The following APBA1 variants were observed in gnomAD, a reference collection of about 807,000 sequenced individuals.
The protein encoded by APBA1 is amyloid beta precursor protein binding family A member 1, also known as amyloid-beta A4 precursor protein-binding family A member 1.
A neutral mutation model predicts 86.6 loss-of-function variants in APBA1; 55 were observed. The ratio of observed to expected loss-of-function variants is 0.64; its 90% CI spans 0.51 to 0.80. The LOEUF (loss-of-function observed/expected upper bound fraction) is 0.80, where lower values mean the gene tolerates loss of function less well. Among genes scored for constraint, APBA1 ranks in the 30% least tolerant of loss-of-function variants. The pLI is 0.00. For synonymous variants in APBA1, 511 were observed against 493.9 expected, an observed-to-expected ratio of 1.03 and a Z score of -0.46; for missense variants, 1,090 against 1,183.0, an observed-to-expected ratio of 0.92 and a Z score of 1.15.
At chr9:69,619,532 A>G (rs1276173259) in intron 1 of APBA1, among the ~76,000 whole-genome samples, 2 of 152,234 alleles carry the variant, frequency 1.3e-5, no homozygotes, top group East Asian at 3.9e-4. Flanking sequence ...CAAAGTATGC[A>G]GATGGGCTCT....
At chr9:69,475,070 T>C (rs1177154102) in intron 3 of APBA1, among the ~76,000 whole-genome samples, 2 of 152,196 alleles carry the variant, frequency 1.3e-5, no homozygotes, top group Admixed American at 6.5e-5. Context: ...ATTTACCTGA[T>C]GTTGGCTCAT....
chr9:69,484,754 G>A (rs1292409963), intron 2 of APBA1, among the ~76,000 whole-genome samples: 1 of 151,942 alleles, frequency 6.6e-6, no homozygotes, highest in South Asian at 2.1e-4. Context: ...CAACTGCCTC[G>A]CCTTGGGTCT....
At chr9:69,638,092 C>T (rs1437420098) in intron 1 of APBA1, among the ~76,000 whole-genome samples, 1 of 152,160 alleles carries the variant, frequency 6.6e-6, no homozygotes, top group African/African-American at 2.4e-5. Flanking sequence ...CAAAAGACAA[C>T]ACATCTGATG....
intron 1 of APBA1, among the ~76,000 whole-genome samples, chr9:69,545,359 T>C (rs963434125): frequency 1.3e-5 from 2 of 152,228 alleles, no homozygotes; most frequent in East Asian, 1.9e-4. Flanking sequence ...GTCCCTCATA[T>C]GGCCAGGCTG....
chr9:69,459,236 G>T (rs1441684639), intron 5 of APBA1, among the ~76,000 whole-genome samples: 3 of 152,268 alleles, frequency 2.0e-5, no homozygotes, highest in Non-Finnish European at 2.9e-5. Context: ...TGGTGGATGT[G>T]TCATGTGCAC....
rs573786907 is a variant in APBA1, at chr9:69,444,222, T to C, written c.2182-3107A>G. Among the ~76,000 whole-genome samples the C allele has an allele frequency of 3.3e-5, 5 of 152,218 alleles. No homozygotes were observed. In the South Asian group the frequency reaches 8.3e-4, roughly 25 times the overall value. On this transcript the variant is annotated intron_variant, in intron 10 of 12. Transcript: ENST00000265381. ...GGCATCTCCTGGTGGTTTTGGAACA[T>C]CTCCAGGGAACTGCTCTGGTTAAGG...
intron 1 of APBA1, among the ~76,000 whole-genome samples, chr9:69,563,589 T>C (rs1167024534): frequency 3.3e-5 from 5 of 152,202 alleles, no homozygotes; most frequent in African/African-American, 1.2e-4. Flanking sequence ...CCACCTGACT[T>C]GTATTGGTAG....
chr9:69,667,502 C>T (rs976223059), intron 1 of APBA1, among the ~76,000 whole-genome samples: 6 of 151,260 alleles, frequency 4.0e-5, no homozygotes, highest in Non-Finnish European at 5.9e-5. Context: ...AAGACTGTGG[C>T]CAAATTCCTT....
At chr9:69,632,266 C>A (rs1823063103) in intron 1 of APBA1, among the ~76,000 whole-genome samples, 1 of 152,030 alleles carries the variant, frequency 6.6e-6, no homozygotes, top group Non-Finnish European at 1.5e-5. Flanking sequence ...AGATTTCAAA[C>A]ACATTAAATC....
intron 1 of APBA1, among the ~76,000 whole-genome samples, chr9:69,656,719 G>C (rs879578975): frequency 6.6e-6 from 1 of 152,060 alleles, no homozygotes; most frequent in Non-Finnish European, 1.5e-5. Context: ...CACTATTCAA[G>C]TTACATCGCA....
chr9:69,439,758 C>T (rs1469586458), intron 11 of APBA1, among the ~76,000 whole-genome samples: 2 of 152,152 alleles, frequency 1.3e-5, no homozygotes, highest in Non-Finnish European at 1.5e-5. Flanking sequence ...GTAGTTTGAT[C>T]TTCTGAAGCC....
intron 1 of APBA1, among the ~76,000 whole-genome samples, chr9:69,589,368 G>C (rs899789043): frequency 3.3e-5 from 5 of 152,306 alleles, no homozygotes; most frequent in African/African-American, 1.2e-4. Flanking sequence ...ATGACGTGAT[G>C]CTAGGCCCAG....
chr9:69,445,753 T>G, intron 10 of APBA1, among the ~76,000 whole-genome samples: 1 of 152,166 alleles, frequency 6.6e-6, no homozygotes, highest in African/African-American at 2.4e-5. Context: ...ATACCTATAA[T>G]TCTACTCTAG....
intron 1 of APBA1, among the ~76,000 whole-genome samples, chr9:69,578,136 T>A (rs1821838461): frequency 6.6e-6 from 1 of 152,186 alleles, no homozygotes; most frequent in South Asian, 2.1e-4. Context: ...CCAAGCCAAA[T>A]TAGGACATCC....
chr9:69,431,208 G>T lies in APBA1; in HGVS notation c.*119C>A. 2 of 637,302 alleles carry T rather than the reference G, an allele frequency of 3.1e-6. No homozygotes were observed. Among genetic ancestry groups the T allele is most frequent in the Non-Finnish European group, 5.3e-6 (2 of 380,396 alleles). The allele number at this position is 637,302 out of a possible 1,614,324, so 39.5% of individuals were successfully genotyped here. ...GGTCCTTGTGGATTCTTCTCTTCCT[G>T]TGTAAAACCAAATGCTGGGCGCGAG... On this transcript the variant is annotated 3_prime_UTR_variant, in exon 13 of 13. Transcript: ENST00000265381.
At chr9:69,579,300 G>A (rs1821868248) in intron 1 of APBA1, among the ~76,000 whole-genome samples, 1 of 152,120 alleles carries the variant, frequency 6.6e-6, no homozygotes, top group East Asian at 1.9e-4. Context: ...TTCCCCCTAA[G>A]AATGTTGCTA....
At chr9:69,636,926 A>AAGGAAGGAAGGAAG (rs1554708349) in intron 1 of APBA1, among the ~76,000 whole-genome samples, 122 of 31,382 alleles carry the variant, frequency 3.9e-3, no homozygotes, top group Middle Eastern at 0.015. Flanking sequence ...AAGGAAGGAA[A>AAGGAAGGAAGGAAG]GAAAGAAAGA....
intron 1 of APBA1, among the ~76,000 whole-genome samples, chr9:69,632,261 T>C (rs1823062921): frequency 6.6e-6 from 1 of 152,104 alleles, no homozygotes; most frequent in African/African-American, 2.4e-5. Flanking sequence ...GAAAGAGATT[T>C]CAAACACATT....
chr9:69,663,171 A>C (rs915124495), intron 1 of APBA1, among the ~76,000 whole-genome samples: 13 of 152,258 alleles, frequency 8.5e-5, no homozygotes, highest in Non-Finnish European at 1.9e-4. Flanking sequence ...ACAGAACAGA[A>C]GAGAATAGGA....
Sources: allele counts gnomAD v4.1 joint callset (sites outside exome capture counted in the v4.1 genomes callset), GRCh38; gene constraint gnomAD v4.1.1; transcripts MANE v1.5; gene names NCBI Gene and HGNC (gene_info 2026-07-23, HGNC 2026-07-21).